The following NCKAP1 variants were observed in gnomAD, a reference collection of about 807,000 sequenced individuals.
NCKAP1 encodes nck-associated protein 1.
NCKAP1 carries 21 observed loss-of-function variants against 151.2 expected under a neutral mutation model. The ratio of observed to expected loss-of-function variants is 0.14; its 90% CI spans 0.10 to 0.20. The LOEUF (loss-of-function observed/expected upper bound fraction) is 0.20, where lower values mean the gene tolerates loss of function less well. NCKAP1 is among the 10% of genes least tolerant of loss of function. The probability of loss-of-function intolerance (pLI) is 1.00; values close to 1 mark genes in which losing one functional copy is unlikely to be tolerated. For synonymous variants in NCKAP1, 484 were observed against 451.8 expected, an observed-to-expected ratio of 1.07 and a Z score of -0.90; for missense variants, 933 against 1,352.1, an observed-to-expected ratio of 0.69 and a Z score of 4.86.
intron 23 of NCKAP1, among the ~76,000 whole-genome samples, chr2:182,943,229 G>A: frequency 6.6e-6 from 1 of 152,044 alleles, no homozygotes; most frequent in East Asian, 1.9e-4. Flanking sequence ...GGAAGGTGCA[G>A]CAAGCATATA....
chr2:182,958,442 C>A (rs1348807105), intron 18 of NCKAP1, among the ~76,000 whole-genome samples: 2 of 152,146 alleles, frequency 1.3e-5, no homozygotes, highest in Non-Finnish European at 2.9e-5. Flanking sequence ...CCATGCCTGG[C>A]CATGAAGAGG....
chr2:182,997,157 A>G lies in NCKAP1; in HGVS notation c.604-1319T>C, dbSNP rs559781116. ...CTCTCTCTTTTTTCCTTGTTAATCT[A>G]GCTAAGAGTCTGTCAACCTTATTGG... On this transcript the variant is annotated intron_variant, in intron 6 of 30. Coordinates refer to ENST00000361354, the MANE Select transcript of NCKAP1 (RefSeq NM_013436.5). Among the ~76,000 whole-genome samples the G allele has an allele frequency of 2.2e-4, 34 of 152,216 alleles. 1 individual carries two copies. The highest frequency in any genetic ancestry group is 7.9e-4 in the African/African-American group (33 of 41,530).
chr2:182,937,546 T>C (rs1696903149), intron 24 of NCKAP1, among the ~76,000 whole-genome samples: 1 of 151,934 alleles, frequency 6.6e-6, no homozygotes, highest in African/African-American at 2.4e-5. Flanking sequence ...TGCTAAGGAG[T>C]TTATACTGTA....
intron 2 of NCKAP1, among the ~76,000 whole-genome samples, chr2:183,004,857 C>T (rs1314496678): frequency 1.4e-5 from 2 of 144,168 alleles, no homozygotes; most frequent in African/African-American, 2.6e-5. Context: ...GCACTCCAGC[C>T]TGGGTGACAG....
chr2:183,018,304 A>G (rs894776335), intron 2 of NCKAP1, among the ~76,000 whole-genome samples: 5 of 152,152 alleles, frequency 3.3e-5, no homozygotes, highest in African/African-American at 4.8e-5. Flanking sequence ...ATTTGCCCAA[A>G]ATTATCCAGC....
Position 182,995,814 on chromosome 2 carries a change from G to A in NCKAP1, c.628C>T (p.Leu210Phe), listed in dbSNP as rs543581805. The change falls in exon 7 of 31, where the codon CTT becomes TTT. Residue 210 changes from leucine (L) to phenylalanine (F), a missense_variant. Physicochemically the swap from Leu to Phe is conservative, Grantham distance 22. Around this residue, in one of 2 missense-constraint regions of NCKAP1, gnomAD observed 607 missense variants for 795.0 expected, o/e 0.76. Transcript: ENST00000361354. ...SKSLSDALIS[L>F]QMVYPRRNLS... ...TTCCTTCGAGGATATACCATTTGAAGAGAAATTAGTGCATCTGAAAGAGAC... is the reference window on the plus strand; with the variant it reads ...TTCCTTCGAGGATATACCATTTGAAAAGAAATTAGTGCATCTGAAAGAGAC... The A allele has an allele frequency of 1.2e-6, 2 of 1,611,524 alleles. No individual in the cohort carries two copies. Among genetic ancestry groups the A allele is most frequent in the African/African-American group, 1.3e-5 (1 of 74,944 alleles).
intron 2 of NCKAP1, among the ~76,000 whole-genome samples, chr2:183,023,422 A>G (rs1434303643): frequency 6.6e-6 from 1 of 152,180 alleles, no homozygotes; most frequent in Non-Finnish European, 1.5e-5. Context: ...ACAGCTAACT[A>G]CTTAAAACAA....
intron 8 of NCKAP1, among the ~76,000 whole-genome samples, chr2:182,990,116 G>C (rs1469746006): frequency 6.6e-6 from 1 of 151,800 alleles, no homozygotes; most frequent in African/African-American, 2.4e-5. Flanking sequence ...ATTTTTAATA[G>C]CAATTTATAG....
chr2:182,952,999 T>A, intron 21 of NCKAP1, 76 bp from the exon 22 acceptor site: 1 of 1,499,560 alleles, frequency 6.7e-7, no homozygotes, highest in African/African-American at 1.4e-5. Context: ...TTCCTGCATA[T>A]AATTTTAAGT....
At chr2:182,937,603 A>G (rs912110347) in intron 24 of NCKAP1, among the ~76,000 whole-genome samples, 1 of 152,204 alleles carries the variant, frequency 6.6e-6, no homozygotes, top group African/African-American at 2.4e-5. Context: ...AAATATAAAG[A>G]GTTATACGAA....
At chr2:182,936,930 C>T (rs1227841153) in intron 24 of NCKAP1, among the ~76,000 whole-genome samples, 1 of 151,776 alleles carries the variant, frequency 6.6e-6, no homozygotes, top group Non-Finnish European at 1.5e-5. Flanking sequence ...GCCTGGGCAA[C>T]ATGGTGAAAC....
intron 10 of NCKAP1, 149 bp downstream of exon 10, chr2:182,986,022 G>A: frequency 1.4e-6 from 1 of 702,814 alleles, no homozygotes; most frequent in South Asian, 1.8e-5. Context: ...ACATATTGAG[G>A]CAATATACTT....
intron 1 of NCKAP1, among the ~76,000 whole-genome samples, chr2:183,027,291 T>C (rs1698916465): frequency 2.6e-5 from 4 of 152,322 alleles, no homozygotes; most frequent in East Asian, 3.9e-4. Context: ...GTGTTACCTG[T>C]AGACTTTACG....
At chr2:182,978,974 C>A in intron 13 of NCKAP1, 59 bp from the exon 14 acceptor site, 1 of 1,183,912 alleles carries the variant, frequency 8.4e-7, no homozygotes. Flanking sequence ...CAACTCAGGT[C>A]TATCAATTAG....
chr2:182,999,662 A>G (rs7589630), intron 6 of NCKAP1, among the ~76,000 whole-genome samples: 15,567 of 152,204 alleles, frequency 0.1, 1,121 homozygotes, highest in African/African-American at 0.2. Flanking sequence ...TAGATGCTCA[A>G]AGGAAAATAA....
rs1026309648 is a variant in NCKAP1, at chr2:182,981,095, T to C, written c.1341+149A>G. ...ACATTGGACTACAACTAACTGTTTC[T>C]TCCCTTCTAGGTAATGATCTCCAAA... On this transcript the variant is annotated intron_variant, in intron 13 of 30. Transcript: ENST00000361354. The C allele has an allele frequency of 6.2e-6, 6 of 964,412 alleles. No homozygotes were observed. The African/African-American group carries it at 9.9e-5, about 16-fold the overall frequency. 59.7% of individuals were successfully genotyped at this position (964,412 alleles called of 1,614,324 possible).
chr2:182,943,327 T>G (rs1274351489), intron 23 of NCKAP1, among the ~76,000 whole-genome samples: 1 of 152,192 alleles, frequency 6.6e-6, no homozygotes, highest in Non-Finnish European at 1.5e-5. Flanking sequence ...AAAAATACTT[T>G]TTTTGAAAAC....
chr2:182,933,969 C>T (rs1219835264), intron 26 of NCKAP1, among the ~76,000 whole-genome samples: 2 of 152,072 alleles, frequency 1.3e-5, no homozygotes, highest in Non-Finnish European at 2.9e-5. Flanking sequence ...TGTAAGCTCA[C>T]AGAAGTCTGC....
At chr2:182,968,776 A>G (rs897007498) in intron 15 of NCKAP1, among the ~76,000 whole-genome samples, 3 of 152,200 alleles carry the variant, frequency 2.0e-5, no homozygotes, top group African/African-American at 7.2e-5. Context: ...CAGGAGCTCC[A>G]TATCTTCTTG....
Sources: allele counts gnomAD v4.1 joint callset (sites outside exome capture counted in the v4.1 genomes callset), GRCh38; gene constraint gnomAD v4.1.1; regional missense constraint gnomAD v4.1.1; transcripts MANE v1.5; gene names NCBI Gene and HGNC (gene_info 2026-07-23, HGNC 2026-07-21).